BAG4: variants seen among roughly 807,000 people sequenced by gnomAD.
BAG4 encodes the protein BAG cochaperone 4.
In BAG4, 28 loss-of-function variants were observed where a neutral mutation model predicts 52.1. The ratio of observed to expected loss-of-function variants is 0.54; its 90% CI spans 0.40 to 0.74. BAG4 has a LOEUF of 0.74. BAG4 is among the 30% of genes least tolerant of loss of function. BAG4 has a pLI of 0.00. For missense variants in BAG4, 525 were observed against 572.0 expected (o/e 0.92, Z 0.84); for synonymous variants, 208 against 217.0 (o/e 0.96, Z 0.37).
chr8:38,203,991 G>C (rs372375560), intron 2 of BAG4: 42 of 152,200 alleles, frequency 2.8e-4, no homozygotes, highest in African/African-American at 9.9e-4. Flanking sequence ...TTCAGACAAA[G>C]ACTTAAAAAC....
intron 1 of BAG4, among the ~76,000 whole-genome samples, chr8:38,179,136 G>A (rs1803220493): frequency 6.6e-6 from 1 of 152,024 alleles, no homozygotes; most frequent in African/African-American, 2.4e-5. Flanking sequence ...AGAAAAACAT[G>A]GAGCAGTGAT....
In BAG4 at chr8:38,192,796, G is replaced by A. The variant is rs920087669; in HGVS notation, c.378+1G>A. The A allele has an allele frequency of 5.7e-6, 9 of 1,581,696 alleles. No individual in the cohort carries two copies. The highest frequency in any genetic ancestry group is 7.7e-6 in the Non-Finnish European group (9 of 1,164,218). On this transcript the variant is annotated splice_donor_variant, in intron 2 of 4. Transcript: ENST00000287322. LOFTEE classifies it high-confidence loss of function. ...TGTAAGACCAGAATTGCAAGGCCAG[G>A]TATGGTTTAAAAACAGAGACTTTCT...
intron 1 of BAG4, among the ~76,000 whole-genome samples, chr8:38,189,813 T>TTTGTTGTTGTTGTTG (rs145500897): frequency 0.036 from 5,480 of 151,884 alleles, 168 homozygotes; most frequent in African/African-American, 0.088. Flanking sequence ...TAAATTACGT[T>TTTGTTGTTGTTGTTG]TTGTTGTTGT....
intron 1 of BAG4, among the ~76,000 whole-genome samples, chr8:38,177,759 G>A (rs1399113184): frequency 6.6e-6 from 1 of 152,124 alleles, no homozygotes; most frequent in African/African-American, 2.4e-5. Context: ...CCGGGGCTCT[G>A]CGAGGTTAAC....
At chr8:38,177,935 A>G (rs74703048) in intron 1 of BAG4, among the ~76,000 whole-genome samples, 1 of 152,272 alleles carries the variant, frequency 6.6e-6, no homozygotes, top group African/African-American at 2.4e-5. Flanking sequence ...TTGAAAATGT[A>G]ATAGTGAAAT....
Position 38,210,416 on chromosome 8 carries a change from T to G in BAG4, c.1297T>G (p.Ser433Ala). The change falls in exon 5 of 5, where the codon TCT becomes GCT. Residue 433 changes from serine (S) to alanine (A), a missense_variant. By Grantham distance (99) the Ser-to-Ala change is moderately conservative. Transcript: ENST00000287322. Reference protein sequence around the residue: ...LDSVETGGQDSVRQARKEAVC... With the variant: ...LDSVETGGQDAVRQARKEAVC... ...TTCAGTTGAAACTGGGGGCCAGGAC[T>G]CTGTACGGCAGGCCAGAAAAGAGGC... 1 of 1,613,420 alleles carries G rather than the reference T, an allele frequency of 6.2e-7. No homozygotes were observed. Among genetic ancestry groups the G allele is most frequent in the South Asian group, 1.1e-5 (1 of 90,946 alleles).
intron 2 of BAG4, among the ~76,000 whole-genome samples, chr8:38,198,384 CAAAA>C (rs554403620): frequency 2.1e-5 from 2 of 94,162 alleles, no homozygotes; most frequent in East Asian, 6.1e-4. Flanking sequence ...ACTCCCATCT[CAAAA>C]AAAAAAAAAA....
At chr8:38,194,847 GT>G (rs533901451) in intron 2 of BAG4, among the ~76,000 whole-genome samples, 24,278 of 116,224 alleles carry the variant, frequency 0.21, 1,329 homozygotes, top group East Asian at 0.3. Flanking sequence ...GTTTTTTTTT[GT>G]TTTTTTTTTT....
chr8:38,180,832 A>T (rs1324100126), intron 1 of BAG4, among the ~76,000 whole-genome samples: 3 of 152,108 alleles, frequency 2.0e-5, no homozygotes, highest in African/African-American at 7.2e-5. Context: ...TTTCAGAAGC[A>T]TTGCTCTATA....
chr8:38,192,180 A>G (rs1437091437), intron 1 of BAG4, among the ~76,000 whole-genome samples: 1 of 152,236 alleles, frequency 6.6e-6, no homozygotes, highest in Non-Finnish European at 1.5e-5. Flanking sequence ...AACAGTAGCA[A>G]AGAACCATTT....
chr8:38,198,494 G>GTT (rs368761607), intron 2 of BAG4, among the ~76,000 whole-genome samples: 12 of 106,768 alleles, frequency 1.1e-4, no homozygotes, highest in African/African-American at 1.8e-4. Flanking sequence ...TTTGTTTTTT[G>GTT]TTTTTTTTTT....
chr8:38,183,715 T>G (rs193057264), intron 1 of BAG4, among the ~76,000 whole-genome samples: 173 of 152,050 alleles, frequency 1.1e-3, no homozygotes, highest in African/African-American at 3.8e-3. Context: ...GGAGAACAGG[T>G]TCTCACTGTA....
intron 2 of BAG4, among the ~76,000 whole-genome samples, chr8:38,199,238 A>G (rs940462506): frequency 6.6e-6 from 1 of 152,244 alleles, no homozygotes; most frequent in Admixed American, 6.5e-5. Context: ...GCAAGGCAAT[A>G]CAATTATTTG....
chr8:38,202,350 C>G (rs989112320), intron 2 of BAG4: 12 of 152,260 alleles, frequency 7.9e-5, no homozygotes, highest in African/African-American at 2.9e-4. Flanking sequence ...ACTGCAACCT[C>G]CACCTCCTGG....
chr8:38,178,159 G>GT lies in BAG4; in HGVS notation c.270+1034dup, dbSNP rs1264036123. 8.7e-3 allele frequency among the ~76,000 whole-genome samples: 1,205 copies of GT among 138,120 alleles called. 7 individuals carry two copies. The highest frequency in any genetic ancestry group is 0.026 in the Middle Eastern group (7 of 270). The allele number at this position is 138,120 out of a possible 152,430, so 90.6% of individuals were successfully genotyped here. A position where few individuals can be genotyped will look rare whatever the true frequency, so the allele number is the denominator to read the frequency against. Reference sequence around the variant, plus strand: ...AAAAAGTAGAAATGTCGTTTTTTTTGTTTTTTTTTTTTTTGAGTTGGAGTC... The same window carrying GT: ...AAAAAGTAGAAATGTCGTTTTTTTTGTTTTTTTTTTTTTTTGAGTTGGAGTC... On this transcript the variant is annotated intron_variant, in intron 1 of 4. Coordinates refer to ENST00000287322, the MANE Select transcript of BAG4 (RefSeq NM_004874.4).
chr8:38,195,231 TC>T (rs1248946013), intron 2 of BAG4, among the ~76,000 whole-genome samples: 3 of 152,066 alleles, frequency 2.0e-5, no homozygotes, highest in Non-Finnish European at 4.4e-5. Context: ...GCTCACTGCA[TC>T]CTCGACCTCC....
At chr8:38,195,965 T>A (rs778675292) in intron 2 of BAG4, among the ~76,000 whole-genome samples, 1 of 152,214 alleles carries the variant, frequency 6.6e-6, no homozygotes, top group Non-Finnish European at 1.5e-5. Flanking sequence ...TCTCTCAGGA[T>A]TTTTCTAACC....
At chr8:38,177,389 T>C (rs1803180599) in intron 1 of BAG4, among the ~76,000 whole-genome samples, 1 of 152,236 alleles carries the variant, frequency 6.6e-6, no homozygotes, top group Non-Finnish European at 1.5e-5. Context: ...GCGGACTTAC[T>C]AAGCTTAGCA....
chr8:38,177,230 T>G, intron 1 of BAG4, 91 bp downstream of exon 1: 1 of 1,526,812 alleles, frequency 6.5e-7, no homozygotes, highest in Non-Finnish European at 8.8e-7. Context: ...GTTTTCCTTA[T>G]GTGGAGGAGG....
Sources: gnomAD v4.1 joint callset for allele counts (sites outside exome capture counted in the v4.1 genomes callset) on GRCh38, gnomAD v4.1.1 for gene constraint, MANE v1.5 for transcripts, NCBI Gene and HGNC (gene_info 2026-07-23, HGNC 2026-07-21) for gene names.